Variants in DEPTOR observed in about 807,000 individuals in gnomAD.
DEPTOR encodes the protein DEP domain-containing mTOR-interacting protein.
A neutral mutation model predicts 41.6 loss-of-function variants in DEPTOR; 41 were observed. That is an observed-to-expected ratio of 0.98 (90% CI 0.77 to 1.28). The LOEUF is 1.28. Among genes scored for constraint, DEPTOR ranks in the 50% most tolerant of loss-of-function variants. The pLI is 0.00. For synonymous variants in DEPTOR, 195 were observed against 192.3 expected, an observed-to-expected ratio of 1.01 and a Z score of -0.12; for missense variants, 514 against 527.9, an observed-to-expected ratio of 0.97 and a Z score of 0.26.
At chr8:119,896,944 C>A (rs893961467) in intron 1 of DEPTOR, among the ~76,000 whole-genome samples, 1 of 152,050 alleles carries the variant, frequency 6.6e-6, no homozygotes, top group Non-Finnish European at 1.5e-5. Context: ...ATAAAAGCTA[C>A]AAAAACTTGG....
rs527881174 is a variant in DEPTOR at position 119,917,171 on chromosome 8, A to C, written c.123-11229A>C. Among the ~76,000 whole-genome samples the C allele has an allele frequency of 6.6e-5, 10 of 152,332 alleles. No homozygotes were observed. In the South Asian group the frequency reaches 2.1e-3, roughly 32 times the overall value. ...AAAGTATCTTTCTAGAGAGCTACAC[A>C]TTATTAGAGTCAAGGGCTTTGTGAA... On this transcript the variant is annotated intron_variant, in intron 1 of 8. Transcript: ENST00000286234.
intron 1 of DEPTOR, among the ~76,000 whole-genome samples, chr8:119,898,156 G>A (rs373114415): frequency 4.6e-5 from 7 of 152,244 alleles, no homozygotes; most frequent in African/African-American, 1.7e-4. Flanking sequence ...CAACAACAGA[G>A]TTAAGTAGTT....
intron 3 of DEPTOR, among the ~76,000 whole-genome samples, chr8:119,952,500 G>A (rs532880420): frequency 6.6e-6 from 1 of 152,294 alleles, no homozygotes; most frequent in Admixed American, 6.5e-5. Context: ...TGCAGAACGT[G>A]CAGGTTTGTT....
intron 1 of DEPTOR, among the ~76,000 whole-genome samples, chr8:119,896,088 G>T (rs913162925): frequency 3.7e-4 from 56 of 151,978 alleles, no homozygotes; most frequent in African/African-American, 1.3e-3. Flanking sequence ...CAGTATTTAT[G>T]GATTTTGTGT....
intron 3 of DEPTOR, among the ~76,000 whole-genome samples, chr8:119,939,272 G>T (rs1403088703): frequency 6.6e-6 from 1 of 152,132 alleles, no homozygotes; most frequent in Non-Finnish European, 1.5e-5. Flanking sequence ...CTTCTGTAGC[G>T]GCAAGCTTGG....
At chr8:119,908,293 A>G (rs1827693410) in intron 1 of DEPTOR, among the ~76,000 whole-genome samples, 1 of 152,110 alleles carries the variant, frequency 6.6e-6, no homozygotes, top group Admixed American at 6.5e-5. Context: ...TATACTGGAT[A>G]AAAAACCAGT....
At chr8:119,929,188 T>C (rs1403778856) in intron 2 of DEPTOR, among the ~76,000 whole-genome samples, 2 of 152,214 alleles carry the variant, frequency 1.3e-5, no homozygotes, top group Non-Finnish European at 2.9e-5. Flanking sequence ...TTCACCAACA[T>C]GTCTTCTTGA....
chr8:119,888,332 G>A (rs1052781881), intron 1 of DEPTOR, among the ~76,000 whole-genome samples: 1 of 152,030 alleles, frequency 6.6e-6, no homozygotes, highest in African/African-American at 2.4e-5. Flanking sequence ...TATACTATTA[G>A]AATTGTCATA....
At chr8:119,978,205 G>A (rs1440272960) in intron 4 of DEPTOR, among the ~76,000 whole-genome samples, 1 of 152,048 alleles carries the variant, frequency 6.6e-6, no homozygotes, top group Non-Finnish European at 1.5e-5. Context: ...GTCTTAAAAC[G>A]CCAGCACAAT....
intron 8 of DEPTOR, among the ~76,000 whole-genome samples, chr8:120,015,274 GTT>G (rs1812591870): frequency 3.3e-5 from 5 of 152,126 alleles, no homozygotes; most frequent in Non-Finnish European, 7.3e-5. Context: ...TGGTTCCATT[GTT>G]GTCCTTCAAG....
At chr8:120,039,686 C>A (rs1396183107) in intron 8 of DEPTOR, among the ~76,000 whole-genome samples, 1 of 152,096 alleles carries the variant, frequency 6.6e-6, no homozygotes, top group South Asian at 2.1e-4. Context: ...AAGCCTGAGT[C>A]CTTATTCTCA....
chr8:119,888,583 C>T (rs573171066), intron 1 of DEPTOR, among the ~76,000 whole-genome samples: 19 of 152,260 alleles, frequency 1.2e-4, no homozygotes, highest in Admixed American at 3.3e-4. Flanking sequence ...AAGGCTGGCA[C>T]GGTGGCTCAC....
intron 4 of DEPTOR, among the ~76,000 whole-genome samples, chr8:119,991,082 CTTT>C (rs1812162171): frequency 1.4e-5 from 1 of 72,472 alleles, no homozygotes; most frequent in African/African-American, 5.2e-5. Context: ...TTCTTTCTTT[CTTT>C]CTTTTTCTTT....
chr8:120,036,552 T>C (rs1004870614), intron 8 of DEPTOR, among the ~76,000 whole-genome samples: 2 of 151,676 alleles, frequency 1.3e-5, no homozygotes, highest in Non-Finnish European at 2.9e-5. Flanking sequence ...TTTCTTCTAC[T>C]TTTTTTTTCT....
intron 4 of DEPTOR, among the ~76,000 whole-genome samples, 158 bp from the exon 5 acceptor site, chr8:120,001,367 T>C (rs756429886): frequency 4.6e-5 from 7 of 151,608 alleles, no homozygotes; most frequent in Non-Finnish European, 1.0e-4. Context: ...GGAAAGAACT[T>C]GGAACCATGG....
intron 4 of DEPTOR, among the ~76,000 whole-genome samples, chr8:119,998,817 A>T (rs960959547): frequency 6.6e-6 from 1 of 152,124 alleles, no homozygotes; most frequent in African/African-American, 2.4e-5. Flanking sequence ...CAGAAGCAGT[A>T]AGAGCAGTGG....
At position 120,049,666 on chromosome 8, in the gene DEPTOR, A is replaced by G. The variant is rs1813205857; in HGVS notation, c.1192A>G (p.Thr398Ala). ...CAATCTGATTCTGACGGGCCCACGG[A>G]CGATTGTCATGGAAGTCATGGAGGA... ...VSNLILTGPR[T>A]IVMEVMEELE... The change falls in exon 9 of 9, where the codon ACG becomes GCG. Residue 398 changes from threonine to alanine, a missense_variant. Physicochemically the swap from Thr to Ala is moderately conservative, Grantham distance 58 (BLOSUM62 0). Coordinates refer to ENST00000286234, the MANE Select transcript of DEPTOR (RefSeq NM_022783.4). 6.2e-7 allele frequency: 1 copy of G among 1,613,986 alleles called. No homozygotes were observed. The highest frequency in any genetic ancestry group is 1.7e-5 in the Admixed American group (1 of 59,994).
intron 4 of DEPTOR, among the ~76,000 whole-genome samples, chr8:119,985,692 T>C (rs1248259620): frequency 2.0e-5 from 3 of 152,102 alleles, no homozygotes; most frequent in Non-Finnish European, 2.9e-5. Context: ...GTATTGTGTG[T>C]ATATATATTT....
chr8:120,018,687 T>A (rs555195570), intron 8 of DEPTOR, among the ~76,000 whole-genome samples: 71 of 152,302 alleles, frequency 4.7e-4, no homozygotes, highest in African/African-American at 1.6e-3. Flanking sequence ...GAGTTGTAGC[T>A]TCTCAGTTAA....
Sources: gnomAD v4.1 joint callset for allele counts (sites outside exome capture counted in the v4.1 genomes callset) on GRCh38, gnomAD v4.1.1 for gene constraint, MANE v1.5 for transcripts, NCBI Gene and HGNC (gene_info 2026-07-23, HGNC 2026-07-21) for gene names.